KCNG4: variants seen among roughly 807,000 people sequenced by gnomAD.
KCNG4 encodes the protein potassium voltage-gated channel modifier subfamily G member 4.
KCNG4 carries 30 observed loss-of-function variants against 28.2 expected under a neutral mutation model. The ratio of observed to expected loss-of-function variants is 1.06; its 90% CI spans 0.80 to 1.44. KCNG4 has a LOEUF of 1.44. Among genes scored for constraint, KCNG4 ranks in the 40% most tolerant of loss-of-function variants. The pLI is 0.00. For missense variants in KCNG4, 879 were observed against 712.3 expected, an observed-to-expected ratio of 1.23 and a Z score of -2.66; for synonymous variants, 375 against 315.5, an observed-to-expected ratio of 1.19 and a Z score of -2.00.
chr16:84,221,969 G>A lies in KCNG4; in HGVS notation c.*248C>T. 1 of 534,608 alleles carries A rather than the reference G, an allele frequency of 1.9e-6. No homozygotes were observed. Among genetic ancestry groups the A allele is most frequent in the East Asian group, 3.3e-5 (1 of 30,670 alleles). The allele number at this position is 534,608 out of a possible 1,614,324, so 33.1% of individuals were successfully genotyped here. On this transcript the variant is annotated 3_prime_UTR_variant, in exon 3 of 3. Coordinates refer to ENST00000308251, the MANE Select transcript of KCNG4 (RefSeq NM_172347.3). ...GAGACTGAGCTACTCCAGCAAGATT[G>A]GACATGCTCAGTAGATGGGCAGAGA...
At chr16:84,239,637 A>G (rs1171593968) in intron 1 of KCNG4, 33 bp downstream of exon 1, 1 of 150,590 alleles carries the variant, frequency 6.6e-6, no homozygotes, top group African/African-American at 2.4e-5. Flanking sequence ...ACCCTACAGC[A>G]AGCAGTAACT....
In KCNG4 at chr16:84,236,709, A is replaced by G. The variant is rs1000382902; in HGVS notation, c.756+21T>C. The stretch of plus-strand genomic sequence containing the variant: ...GGCACCCTGCGGGATGGAGCCGTGA[A>G]TGCCATCAGAGGCCGCTCACCTGGT... On this transcript the variant is annotated intron_variant, in intron 2 of 2. Transcript: ENST00000308251. 3.1e-6 allele frequency: 5 copies of G among 1,591,396 alleles called. No individual in the cohort carries two copies. The South Asian group carries it at 5.6e-5, about 18-fold the overall frequency.
At chr16:84,231,690 T>G (rs1169421643) in intron 2 of KCNG4, among the ~76,000 whole-genome samples, 1 of 152,104 alleles carries the variant, frequency 6.6e-6, no homozygotes, top group Non-Finnish European at 1.5e-5. Flanking sequence ...TGACCTGCCC[T>G]GGATCTCCCA....
At chr16:84,234,704 A>G (rs557554282) in intron 2 of KCNG4, among the ~76,000 whole-genome samples, 14 of 152,284 alleles carry the variant, frequency 9.2e-5, no homozygotes, top group African/African-American at 3.1e-4. Flanking sequence ...GGGTCAATTT[A>G]CAGGACACTG....
At position 84,236,841 on chromosome 16, in the gene KCNG4, C is replaced by T. The variant is rs1244366496; in HGVS notation, c.645G>A (p.Gln215=). 2.2e-5 allele frequency: 36 copies of T among 1,613,650 alleles called. No individual in the cohort carries two copies. Among genetic ancestry groups the T allele is most frequent in the Non-Finnish European group, 2.7e-5 (32 of 1,180,044 alleles). ...CGAAGACCTTCCCGGGCAGCCCGGA[C>T]TGCGGGTTTTCCACCATCTCGCGCA... ...NRLREMVENP[Q]SGLPGKVFAC... The change falls in exon 2 of 3, where the codon CAG becomes CAA. Residue 215 remains glutamine, a synonymous_variant. Coordinates refer to ENST00000308251, the MANE Select transcript of KCNG4 (RefSeq NM_172347.3).
Position 84,222,759 on chromosome 16 carries a change from G to C in KCNG4, c.1018C>G (p.Arg340Gly). 6.2e-7 allele frequency: 1 copy of C among 1,611,600 alleles called. No homozygotes were observed. ...EKVGLVLRVL[R>G]ALRILYVMRL... ...ATCACGTAGAGGATGCGCAGCGCTC[G>C]CAGCACACGCAGGACCAGCCCCACC... The change falls in exon 3 of 3, where the codon CGA becomes GGA. Residue 340 changes from arginine to glycine, a missense_variant. Coordinates refer to ENST00000308251, the MANE Select transcript of KCNG4 (RefSeq NM_172347.3).
At chr16:84,228,557 C>A (rs918696786) in intron 2 of KCNG4, among the ~76,000 whole-genome samples, 4 of 152,148 alleles carry the variant, frequency 2.6e-5, no homozygotes, top group East Asian at 3.9e-4. Flanking sequence ...GGCCTCCCCC[C>A]AGGCACTACT....
chr16:84,236,617 C>T, intron 2 of KCNG4, 113 bp downstream of exon 2: 2 of 1,094,432 alleles, frequency 1.8e-6, no homozygotes, highest in South Asian at 1.7e-5. Flanking sequence ...GGATAATATT[C>T]ATTTTTTTCT....
At chr16:84,225,908 T>C (rs562352095) in intron 2 of KCNG4, among the ~76,000 whole-genome samples, 46 of 152,354 alleles carry the variant, frequency 3.0e-4, no homozygotes, top group South Asian at 4.1e-4. Flanking sequence ...AATGCTGGCA[T>C]TGGGGCAGGG....
intron 2 of KCNG4, among the ~76,000 whole-genome samples, chr16:84,223,925 T>C (rs1904637182): frequency 1.3e-5 from 2 of 152,118 alleles, no homozygotes; most frequent in African/African-American, 4.8e-5. Context: ...CCTTGGGATG[T>C]GTGATTGCTG....
intron 2 of KCNG4, among the ~76,000 whole-genome samples, chr16:84,224,483 A>G (rs898171404): frequency 3.9e-5 from 6 of 152,132 alleles, no homozygotes; most frequent in African/African-American, 1.4e-4. Flanking sequence ...GGCCAAAGCA[A>G]CTTCTCTGTG....
intron 2 of KCNG4, among the ~76,000 whole-genome samples, chr16:84,229,521 T>C (rs979718133): frequency 6.6e-6 from 1 of 152,212 alleles, no homozygotes; most frequent in Non-Finnish European, 1.5e-5. Flanking sequence ...TCTCCCCGTG[T>C]GGGGAAGGCG....
At chr16:84,238,500 G>A (rs1039205936) in intron 1 of KCNG4, among the ~76,000 whole-genome samples, 1 of 152,182 alleles carries the variant, frequency 6.6e-6, no homozygotes, top group Non-Finnish European at 1.5e-5. Flanking sequence ...TGTTCGTTGC[G>A]TGCTTGCCTC....
intron 2 of KCNG4, among the ~76,000 whole-genome samples, chr16:84,228,918 C>A (rs1361948664): frequency 6.6e-6 from 1 of 152,238 alleles, no homozygotes; most frequent in Non-Finnish European, 1.5e-5. Context: ...GTGGCTGATC[C>A]ATCACCGGCT....
chr16:84,229,879 G>A (rs894942200), intron 2 of KCNG4, among the ~76,000 whole-genome samples: 3 of 152,218 alleles, frequency 2.0e-5, no homozygotes, highest in South Asian at 2.1e-4. Context: ...AGAAGCATTC[G>A]CTAGAGCAAT....
chr16:84,230,517 A>T (rs1904804358), intron 2 of KCNG4, among the ~76,000 whole-genome samples: 1 of 151,836 alleles, frequency 6.6e-6, no homozygotes, highest in Non-Finnish European at 1.5e-5. Flanking sequence ...GCTTACAGTG[A>T]GCCAAGATCG....
rs1384923740 is a variant in KCNG4 at position 84,239,952 on chromosome 16, C to G, written c.-323G>C. ...TTTTTTTTAAAGGACCCAGAAGTCCCTTTCCTTATGAGAGATGAGGGTCTG... is the reference window on the plus strand; with the variant it reads ...TTTTTTTTAAAGGACCCAGAAGTCCGTTTCCTTATGAGAGATGAGGGTCTG... On this transcript the variant is annotated 5_prime_UTR_variant, in exon 1 of 3. Coordinates refer to ENST00000308251, the MANE Select transcript of KCNG4 (RefSeq NM_172347.3). Among the ~76,000 whole-genome samples, 1 of 151,014 alleles carries G rather than the reference C, an allele frequency of 6.6e-6. No individual in the cohort carries two copies. Among genetic ancestry groups the G allele is most frequent in the Non-Finnish European group, 1.5e-5 (1 of 67,840 alleles).
In KCNG4 at chr16:84,221,488, C is replaced by G. The variant is rs891469466; in HGVS notation, c.*729G>C. The stretch of plus-strand genomic sequence containing the variant: ...TGGAAAGTGGAGTTTCTGCCCAGGT[C>G]CCAGGTCCCAGGTCCCAGGTCACAG... On this transcript the variant is annotated 3_prime_UTR_variant, in exon 3 of 3. Coordinates refer to ENST00000308251, the MANE Select transcript of KCNG4 (RefSeq NM_172347.3). 1 of 152,018 alleles carries G rather than the reference C, an allele frequency of 6.6e-6. No homozygotes were observed. 9.4% of individuals were successfully genotyped at this position (152,018 alleles called of 1,614,324 possible). A position where few individuals can be genotyped will look rare whatever the true frequency, so the allele number is the denominator to read the frequency against.
chr16:84,230,741 G>A (rs1396238191), intron 2 of KCNG4, among the ~76,000 whole-genome samples: 1 of 152,216 alleles, frequency 6.6e-6, no homozygotes, highest in African/African-American at 2.4e-5. Flanking sequence ...ATCACCAAGG[G>A]CACCTTACTT....
Sources: allele counts gnomAD v4.1 joint callset (sites outside exome capture counted in the v4.1 genomes callset), GRCh38; gene constraint gnomAD v4.1.1; transcripts MANE v1.5; gene names NCBI Gene and HGNC (gene_info 2026-07-23, HGNC 2026-07-21).